Variants in SAMD3 observed in about 807,000 individuals in gnomAD.
The protein encoded by SAMD3 is sterile alpha motif domain-containing protein 3.
SAMD3 carries 63 observed loss-of-function variants against 58.5 expected under a neutral mutation model. That is an observed-to-expected ratio of 1.08 (90% CI 0.88 to 1.33). SAMD3 has a LOEUF of 1.33. Among genes scored for constraint, SAMD3 ranks in the 40% most tolerant of loss-of-function variants. SAMD3 has a pLI of 0.00. For synonymous variants in SAMD3, 220 were observed against 210.3 expected, an observed-to-expected ratio of 1.05 and a Z score of -0.40; for missense variants, 604 against 608.4, an observed-to-expected ratio of 0.99 and a Z score of 0.08.
chr6:130,173,552 C>G (rs891567544), intron 8 of SAMD3, among the ~76,000 whole-genome samples: 2 of 152,228 alleles, frequency 1.3e-5, no homozygotes, highest in African/African-American at 4.8e-5. Flanking sequence ...CCTCTGGAAG[C>G]TTCGTCCCAG....
intron 1 of SAMD3, among the ~76,000 whole-genome samples, chr6:130,342,105 G>C (rs984447796): frequency 5.3e-5 from 8 of 152,152 alleles, no homozygotes; most frequent in African/African-American, 1.9e-4. Context: ...AACCCTCTAT[G>C]AGCATGGGAC....
intron 8 of SAMD3, 122 bp from the exon 9 acceptor site, chr6:130,155,147 G>A (rs2114589020): frequency 1.5e-6 from 1 of 656,974 alleles, no homozygotes; most frequent in East Asian, 2.7e-5. Flanking sequence ...GGTTACACTT[G>A]ACATTGAGCA....
chr6:130,361,768 A>G (rs1343045975), intron 1 of SAMD3, among the ~76,000 whole-genome samples: 1 of 152,186 alleles, frequency 6.6e-6, no homozygotes, highest in Non-Finnish European at 1.5e-5. Flanking sequence ...TTTACAATAA[A>G]TTTTCACAGT....
At chr6:130,150,866 C>A (rs544751531) in intron 9 of SAMD3, among the ~76,000 whole-genome samples, 2 of 152,066 alleles carry the variant, frequency 1.3e-5, no homozygotes, top group African/African-American at 4.8e-5. Flanking sequence ...TGTGTGCCAC[C>A]ACACCCGGCT....
chr6:130,151,870 G>T (rs1789225662), intron 9 of SAMD3, among the ~76,000 whole-genome samples: 1 of 152,154 alleles, frequency 6.6e-6, no homozygotes. Flanking sequence ...TGGAAAATTT[G>T]GGGAAGGGTT....
intron 1 of SAMD3, among the ~76,000 whole-genome samples, chr6:130,325,352 C>T (rs924994495): frequency 2.6e-5 from 4 of 152,176 alleles, no homozygotes; most frequent in South Asian, 2.1e-4. Context: ...ACTCCAGAGT[C>T]TGAAGGCTGG....
At chr6:130,351,394 A>T (rs1293972614) in intron 1 of SAMD3, among the ~76,000 whole-genome samples, 1 of 152,040 alleles carries the variant, frequency 6.6e-6, no homozygotes, top group Non-Finnish European at 1.5e-5. Context: ...AAAACAAACA[A>T]CCCCATCAAA....
chr6:130,301,935 A>C (rs1775762114), intron 2 of SAMD3, among the ~76,000 whole-genome samples: 1 of 152,186 alleles, frequency 6.6e-6, no homozygotes, highest in Non-Finnish European at 1.5e-5. Flanking sequence ...CTCACCATAT[A>C]AAAAATTAAC....
intron 8 of SAMD3, among the ~76,000 whole-genome samples, chr6:130,173,238 G>A (rs1304181861): frequency 6.6e-6 from 1 of 152,206 alleles, no homozygotes; most frequent in Non-Finnish European, 1.5e-5. Flanking sequence ...TTGGAAAGGA[G>A]TTGCTGTCAT....
chr6:130,174,037 C>T (rs926940225), intron 8 of SAMD3, among the ~76,000 whole-genome samples: 2 of 152,176 alleles, frequency 1.3e-5, no homozygotes, highest in African/African-American at 4.8e-5. Flanking sequence ...CCACCAAGCT[C>T]GATCATCCCA....
chr6:130,265,032 A>C (rs1774289249), intron 2 of SAMD3, among the ~76,000 whole-genome samples: 1 of 152,240 alleles, frequency 6.6e-6, no homozygotes, highest in Non-Finnish European at 1.5e-5. Flanking sequence ...TCTTAGGCAA[A>C]ACCTAAACAT....
chr6:130,320,958 C>T (rs1776564918), intron 1 of SAMD3, among the ~76,000 whole-genome samples: 1 of 152,134 alleles, frequency 6.6e-6, no homozygotes, highest in African/African-American at 2.4e-5. Flanking sequence ...TTTGCTGATC[C>T]CTTGACATGG....
At chr6:130,144,213 C>G (rs967968902), downstream of SAMD3, 6 of 322,600 alleles carry the variant, frequency 1.9e-5, no homozygotes, top group African/African-American at 1.1e-4. Context: ...CATTCTCTAA[C>G]CTGAAGGATT....
At chr6:130,344,280 G>A (rs1224612024) in intron 1 of SAMD3, among the ~76,000 whole-genome samples, 1 of 152,114 alleles carries the variant, frequency 6.6e-6, no homozygotes, top group Non-Finnish European at 1.5e-5. Flanking sequence ...CTGTATGTTT[G>A]CCCATTGGCA....
chr6:130,159,191 G>GCT (rs1554253382), intron 8 of SAMD3, among the ~76,000 whole-genome samples: 1 of 152,112 alleles, frequency 6.6e-6, no homozygotes, highest in Non-Finnish European at 1.5e-5. Flanking sequence ...CTGTTCTCAT[G>GCT]GTAGTGAATG....
chr6:130,278,947 A>G (rs1774885670), intron 2 of SAMD3, among the ~76,000 whole-genome samples: 1 of 152,132 alleles, frequency 6.6e-6, no homozygotes, highest in African/African-American at 2.4e-5. Context: ...TCTATCAAAT[A>G]TTCTCCCATG....
chr6:130,153,647 C>CATATATATATAT lies in SAMD3; in HGVS notation c.1023+1166_1023+1177dup, dbSNP rs1196709383. 7.8e-4 allele frequency among the ~76,000 whole-genome samples: 75 copies of CATATATATATAT among 96,708 alleles called. 2 individuals are homozygous for CATATATATATAT. Among genetic ancestry groups the CATATATATATAT allele is most frequent in the Non-Finnish European group, 1.0e-3 (45 of 43,022 alleles). 63.4% of individuals were successfully genotyped at this position (96,708 alleles called of 152,430 possible). The stretch of plus-strand genomic sequence containing the variant: ...TTTGATTGATTTACCCATTAAATTT[C>CATATATATATAT]ATATATATATATATATATTTATTTA... On this transcript the variant is annotated intron_variant, in intron 9 of 11. Transcript: ENST00000439090.
intron 8 of SAMD3, among the ~76,000 whole-genome samples, chr6:130,171,016 T>A (rs1266840607): frequency 3.3e-5 from 5 of 152,252 alleles, no homozygotes; most frequent in African/African-American, 1.2e-4. Context: ...CCTTGTCTTG[T>A]GCTGGTTTTC....
At chr6:130,223,728 C>T (rs183659597), upstream of SAMD3, among the ~76,000 whole-genome samples, 349 of 152,288 alleles carry the variant, frequency 2.3e-3, 3 homozygotes, top group African/African-American at 8.0e-3. Flanking sequence ...GCAGCTCAAA[C>T]CCCTAGAGGG....
Sources: allele counts gnomAD v4.1 joint callset (sites outside exome capture counted in the v4.1 genomes callset), GRCh38; gene constraint gnomAD v4.1.1; transcripts MANE v1.5; gene names NCBI Gene and HGNC (gene_info 2026-07-23, HGNC 2026-07-21).